Variants in ZNF391 observed in about 807,000 individuals in gnomAD.
The protein encoded by ZNF391 is zinc finger protein 391.
For synonymous variants in ZNF391, 126 were observed against 142.1 expected (o/e 0.89, Z 0.80); for missense variants, 375 against 425.5 (o/e 0.88, Z 1.04).
At chr6:27,390,010 C>T (rs1198313536) in intron 1 of ZNF391, among the ~76,000 whole-genome samples, 1 of 152,192 alleles carries the variant, frequency 6.6e-6, no homozygotes, top group Non-Finnish European at 1.5e-5. Flanking sequence ...TGAAGATCAC[C>T]TTTGGTAGGA....
At chr6:27,377,111 G>A (rs1273756170) in intron 1 of ZNF391, among the ~76,000 whole-genome samples, 4 of 152,154 alleles carry the variant, frequency 2.6e-5, no homozygotes, top group Middle Eastern at 6.8e-3. Context: ...GCTCCAAAAC[G>A]AAAAATTGCC....
chr6:27,395,630 C>G (rs999994104), intron 1 of ZNF391, among the ~76,000 whole-genome samples: 10 of 152,072 alleles, frequency 6.6e-5, no homozygotes, highest in African/African-American at 2.4e-4. Flanking sequence ...CAAATTGGCA[C>G]AGTTTAACAA....
chr6:27,400,569 C>CT lies in ZNF391; in HGVS notation c.200dup (p.Ser68LysfsTer5). On this transcript the variant is annotated frameshift_variant, in exon 3 of 3. Transcript: ENST00000244576. LOFTEE classifies it low-confidence loss of function (END_TRUNC). ...AGGCCCTGAATCCAGTGAATTTAGTCTAAGCCCAAACCTTGACGCACAACA... is the reference window on the plus strand; with the variant it reads ...AGGCCCTGAATCCAGTGAATTTAGTCTTAAGCCCAAACCTTGACGCACAACA... 6.2e-7 allele frequency: 1 copy of CT among 1,614,182 alleles called. No individual in the cohort carries two copies. Among genetic ancestry groups the CT allele is most frequent in the Non-Finnish European group, 8.5e-7 (1 of 1,180,018 alleles).
chr6:27,400,561 A>G lies in ZNF391; in HGVS notation c.191A>G (p.Glu64Gly). Residue 64 changes from glutamate (E) to glycine (G), a missense_variant, in exon 3 of 3, where the codon GAA becomes GGA. Glu to Gly is a moderately conservative substitution (Grantham distance 98). Transcript: ENST00000244576. ...GGGGAGGAAGGCCCTGAATCCAGTG[A>G]ATTTAGTCTAAGCCCAAACCTTGAC... ...FTGEEGPESS[E>G]FSLSPNLDAQ... The G allele has an allele frequency of 6.2e-7, 1 of 1,614,220 alleles. No homozygotes were observed. The highest frequency in any genetic ancestry group is 8.5e-7 in the Non-Finnish European group (1 of 1,180,026).
At chr6:27,393,501 T>G (rs1761760861) in intron 1 of ZNF391, among the ~76,000 whole-genome samples, 2 of 152,228 alleles carry the variant, frequency 1.3e-5, no homozygotes, top group Admixed American at 6.5e-5. Context: ...TAAACCTATT[T>G]TCTTTATAAA....
chr6:27,380,819 T>A (rs1301618527), intron 1 of ZNF391, among the ~76,000 whole-genome samples: 1 of 151,606 alleles, frequency 6.6e-6, no homozygotes, highest in Non-Finnish European at 1.5e-5. Context: ...AGGCCCCACC[T>A]GAGTAGCTAG....
rs200755930 is a variant in ZNF391 at position 27,401,178 on chromosome 6, A to G, written c.808A>G (p.Thr270Ala). 4.3e-6 allele frequency: 7 copies of G among 1,614,076 alleles called. No homozygotes were observed. The highest frequency in any genetic ancestry group is 5.1e-6 in the Non-Finnish European group (6 of 1,180,018). The change falls in exon 3 of 3, where the codon ACA (threonine) becomes GCA (alanine). Residue 270 changes from threonine (T) to alanine (A), a missense_variant. By Grantham distance (58) the Thr-to-Ala change is moderately conservative. Coordinates refer to ENST00000244576, the MANE Select transcript of ZNF391 (RefSeq NM_001076781.3). ...CTCATCGCTTACTGAACATCAGAGA[A>G]CACACACTGGGGAGAACCCCTATGA... is the stretch of plus-strand genomic sequence containing the variant. ...WISSLTEHQR[T>A]HTGENPYECS...
At chr6:27,380,466 G>A (rs1761481415) in intron 1 of ZNF391, among the ~76,000 whole-genome samples, 1 of 152,008 alleles carries the variant, frequency 6.6e-6, no homozygotes, top group Non-Finnish European at 1.5e-5. Context: ...CCTTCGCGGT[G>A]AGTTTTGTAG....
chr6:27,383,470 C>A (rs1354184719), intron 1 of ZNF391, among the ~76,000 whole-genome samples: 1 of 152,044 alleles, frequency 6.6e-6, no homozygotes, highest in Non-Finnish European at 1.5e-5. Context: ...AGACAAGGTG[C>A]CTTATTAACA....
At chr6:27,392,641 C>T (rs551478139) in intron 1 of ZNF391, among the ~76,000 whole-genome samples, 1 of 152,344 alleles carries the variant, frequency 6.6e-6, no homozygotes, top group South Asian at 2.1e-4. Flanking sequence ...CAGTCACTCT[C>T]TATACCCCTA....
At position 27,400,569 on chromosome 6, in the gene ZNF391, C is replaced by G. The variant is rs149871279; in HGVS notation, c.199C>G (p.Leu67Val). 2 of 1,614,182 alleles carry G rather than the reference C, an allele frequency of 1.2e-6. No homozygotes were observed. Among genetic ancestry groups the G allele is most frequent in the Non-Finnish European group, 1.7e-6 (2 of 1,180,018 alleles). The change falls in exon 3 of 3, where the codon CTA (leucine) becomes GTA (valine). Residue 67 changes from leucine to valine, a missense_variant. Transcript: ENST00000244576. ...AGGCCCTGAATCCAGTGAATTTAGTCTAAGCCCAAACCTTGACGCACAACA... is the reference window on the plus strand; with the variant it reads ...AGGCCCTGAATCCAGTGAATTTAGTGTAAGCCCAAACCTTGACGCACAACA... ...EEGPESSEFS[L>V]SPNLDAQQKI...
upstream of ZNF391, chr6:27,388,644 G>C (rs368157340): frequency 6.3e-6 from 2 of 316,328 alleles, no homozygotes; most frequent in Non-Finnish European, 1.2e-5. Context: ...TCGCATACCA[G>C]GGGAGGGGCT....
At position 27,389,080 on chromosome 6, in the gene ZNF391, G is replaced by T. The variant is rs988648776; in HGVS notation, c.-188+5G>T. ...TTACAGGGCCCCGGGACCAAGGTGGGTGCTCTTAGAGGTTCTGGAAAGCGG... is the reference window on the plus strand; with the variant it reads ...TTACAGGGCCCCGGGACCAAGGTGGTTGCTCTTAGAGGTTCTGGAAAGCGG... On this transcript the variant is annotated splice_donor_5th_base_variant and intron_variant, in intron 1 of 2. Coordinates refer to ENST00000244576, the MANE Select transcript of ZNF391 (RefSeq NM_001076781.3). The T allele has an allele frequency of 2.2e-6, 1 of 456,472 alleles. No homozygotes were observed. The highest frequency in any genetic ancestry group is 2.4e-5 in the Admixed American group (1 of 42,534). The allele number at this position is 456,472 out of a possible 1,614,324, so 28.3% of individuals were successfully genotyped here.
Position 27,401,317 on chromosome 6 carries a change from G to T in ZNF391, c.947G>T (p.Arg316Leu), listed in dbSNP as rs372035777. ...AGAGTGTGTGGAAAGGGCTTCAGTCGAAGCTCATCCCTTATTATTCATCAG... is the reference window on the plus strand; with the variant it reads ...AGAGTGTGTGGAAAGGGCTTCAGTCTAAGCTCATCCCTTATTATTCATCAG... ...ECRVCGKGFS[R>L]SSSLIIHQRT... The change falls in exon 3 of 3, where the codon CGA becomes CTA. Residue 316 changes from arginine to leucine, a missense_variant. Physicochemically the swap from Arg to Leu is moderately radical, Grantham distance 102. Coordinates refer to ENST00000244576, the MANE Select transcript of ZNF391 (RefSeq NM_001076781.3). 2.5e-6 allele frequency: 4 copies of T among 1,614,026 alleles called. No individual in the cohort carries two copies. Among genetic ancestry groups the T allele is most frequent in the Non-Finnish European group, 3.4e-6 (4 of 1,179,992 alleles).
chr6:27,381,692 C>T (rs538648997), intron 1 of ZNF391, among the ~76,000 whole-genome samples: 8 of 152,204 alleles, frequency 5.3e-5, no homozygotes, highest in Admixed American at 2.6e-4. Flanking sequence ...GAGCCATGAC[C>T]GTGCCACTGC....
At chr6:27,384,747 GT>G (rs1761560948), upstream of ZNF391, among the ~76,000 whole-genome samples, 1 of 152,152 alleles carries the variant, frequency 6.6e-6, no homozygotes, top group Non-Finnish European at 1.5e-5. Context: ...GCCAGGTGCT[GT>G]GGCTCATGCC....
chr6:27,384,368 G>T (rs548244697), upstream of ZNF391, among the ~76,000 whole-genome samples: 1 of 150,814 alleles, frequency 6.6e-6, no homozygotes, highest in Admixed American at 6.6e-5. Context: ...GGAGGCAGAG[G>T]CACAAGAATT....
At chr6:27,386,987 G>A (rs897754925), upstream of ZNF391, among the ~76,000 whole-genome samples, 1 of 151,772 alleles carries the variant, frequency 6.6e-6, no homozygotes. Flanking sequence ...AAGAATATCT[G>A]GAATATACAA....
At chr6:27,398,543 T>A (rs1365234398) in intron 1 of ZNF391, among the ~76,000 whole-genome samples, 1 of 152,084 alleles carries the variant, frequency 6.6e-6, no homozygotes, top group Non-Finnish European at 1.5e-5. Context: ...CCAGGCAATA[T>A]GAATGTGAGG....
Sources: allele counts gnomAD v4.1 joint callset (sites outside exome capture counted in the v4.1 genomes callset), GRCh38; gene constraint gnomAD v4.1.1; transcripts MANE v1.5; gene names NCBI Gene and HGNC (gene_info 2026-07-23, HGNC 2026-07-21).